AUTS2: variants seen among roughly 807,000 people sequenced by gnomAD.
AUTS2 encodes autism susceptibility gene 2 protein.
A neutral mutation model predicts 112.4 loss-of-function variants in AUTS2; 17 were observed. That is an observed-to-expected ratio of 0.15 (90% CI 0.10 to 0.23). AUTS2 has a LOEUF of 0.23. AUTS2 is among the 10% of genes least tolerant of loss of function. The pLI is 1.00. For synonymous variants in AUTS2, 751 were observed against 702.7 expected, an observed-to-expected ratio of 1.07 and a Z score of -1.09; for missense variants, 1,510 against 1,701.6, an observed-to-expected ratio of 0.89 and a Z score of 1.98.
chr7:70,785,730 A>G lies in AUTS2; in HGVS notation c.2225-225A>G, dbSNP rs190470224. On this transcript the variant is annotated intron_variant, in intron 16 of 18. Coordinates refer to ENST00000342771, the MANE Select transcript of AUTS2 (RefSeq NM_015570.4). ...CACTGGGCAAAGGAAGAGTAATACA[A>G]AATACACAGTTGTAGAAGAAGAGTC... Among the ~76,000 whole-genome samples the G allele has an allele frequency of 2.6e-4, 40 of 152,384 alleles. 1 individual carries two copies. The East Asian group carries it at 4.2e-3, about 16-fold the overall frequency.
At chr7:70,260,086 C>T (rs1787086295) in intron 4 of AUTS2, among the ~76,000 whole-genome samples, 1 of 152,034 alleles carries the variant, frequency 6.6e-6, no homozygotes, top group South Asian at 2.1e-4. Flanking sequence ...TAATTTATGG[C>T]CAGGCGCGGT....
chr7:69,986,246 A>G (rs1471523971), intron 2 of AUTS2, among the ~76,000 whole-genome samples: 2 of 152,212 alleles, frequency 1.3e-5, no homozygotes, highest in African/African-American at 4.8e-5. Context: ...TAACTGTTAC[A>G]TCCCCAGCAC....
At position 69,787,834 on chromosome 7, in the gene AUTS2, CA is replaced by C. The variant is rs1789445193; in HGVS notation, c.310-111449del. On this transcript the variant is annotated intron_variant, in intron 1 of 18. Coordinates refer to ENST00000342771, the MANE Select transcript of AUTS2 (RefSeq NM_015570.4). Reference sequence around the variant, plus strand: ...AGGTGATCCGCCCACCTTGGCCTCCCAAAGTGCTGGGCTTACAGGCGTTGAG... The same window carrying C: ...AGGTGATCCGCCCACCTTGGCCTCCCAAGTGCTGGGCTTACAGGCGTTGAG... Among the ~76,000 whole-genome samples, 4 of 149,368 alleles carry C rather than the reference CA, an allele frequency of 2.7e-5. No individual in the cohort carries two copies. In the Admixed American group the frequency reaches 2.7e-4, roughly 10 times the overall value.
chr7:69,876,484 GTATATATATATATATATATATATA>G (rs58131271), intron 1 of AUTS2, among the ~76,000 whole-genome samples: 6,022 of 54,040 alleles, frequency 0.11, 694 homozygotes, highest in Non-Finnish European at 0.15. Flanking sequence ...AATATTTTGT[GTATATATATATATATATATATATA>G]TATATATATA....
At position 70,773,878 on chromosome 7, in the gene AUTS2, G is replaced by A. The variant is rs970719804; in HGVS notation, c.1831-150G>A. 88 of 719,756 alleles carry A rather than the reference G, an allele frequency of 1.2e-4. No individual in the cohort carries two copies. The African/African-American group carries it at 1.3e-3, about 10-fold the overall frequency. The allele number at this position is 719,756 out of a possible 1,614,324, so 44.6% of individuals were successfully genotyped here. A position where few individuals can be genotyped will look rare whatever the true frequency, so the allele number is the denominator to read the frequency against. On this transcript the variant is annotated intron_variant, in intron 11 of 18. Transcript: ENST00000342771. ...GTCAGGCCCCCTTGAGAAAGAGCATGTGTGGTCCCTGAGAAAAATGAATCT... is the reference window on the plus strand; with the variant it reads ...GTCAGGCCCCCTTGAGAAAGAGCATATGTGGTCCCTGAGAAAAATGAATCT...
chr7:70,317,021 T>TGG (rs1263513162), intron 4 of AUTS2: 1 of 152,146 alleles, frequency 6.6e-6, no homozygotes, highest in Non-Finnish European at 1.5e-5. Context: ...GGAAGGGAGT[T>TGG]TGATGTGTGA....
intron 1 of AUTS2, among the ~76,000 whole-genome samples, chr7:69,603,321 C>T (rs1358010450): frequency 6.6e-6 from 1 of 152,156 alleles, no homozygotes; most frequent in Non-Finnish European, 1.5e-5. Flanking sequence ...TTTTGGACTT[C>T]TCTTTTAAAA....
At chr7:69,633,533 A>C (rs1345431126) in intron 1 of AUTS2, among the ~76,000 whole-genome samples, 1 of 152,184 alleles carries the variant, frequency 6.6e-6, no homozygotes, top group Non-Finnish European at 1.5e-5. Context: ...ACTATTTTTC[A>C]CAATGGCTGT....
chr7:69,994,643 A>G (rs1161725804), intron 2 of AUTS2, among the ~76,000 whole-genome samples: 1 of 152,144 alleles, frequency 6.6e-6, no homozygotes, highest in African/African-American at 2.4e-5. Flanking sequence ...TAATGACTAT[A>G]TTCTGATAAA....
At chr7:70,304,490 T>C (rs964192592) in intron 4 of AUTS2, among the ~76,000 whole-genome samples, 1 of 152,126 alleles carries the variant, frequency 6.6e-6, no homozygotes, top group African/African-American at 2.4e-5. Flanking sequence ...GGATCACCCA[T>C]GACCTTTTAT....
intron 5 of AUTS2, among the ~76,000 whole-genome samples, chr7:70,633,424 C>T (rs1178436926): frequency 6.6e-6 from 1 of 152,082 alleles, no homozygotes; most frequent in African/African-American, 2.4e-5. Context: ...CCAGCCTGGC[C>T]AACATGGTGA....
chr7:70,028,138 T>A (rs1800610103), intron 2 of AUTS2, among the ~76,000 whole-genome samples: 1 of 151,012 alleles, frequency 6.6e-6, no homozygotes, highest in Non-Finnish European at 1.5e-5. Context: ...TCTTCTTCCC[T>A]CTCCTTCCTG....
intron 2 of AUTS2, among the ~76,000 whole-genome samples, chr7:69,961,158 C>A (rs1797414338): frequency 6.6e-6 from 1 of 152,064 alleles, no homozygotes; most frequent in South Asian, 2.1e-4. Flanking sequence ...TTTGTAAAAT[C>A]TTTACATTTT....
At chr7:70,599,763 C>T (rs1327253505) in intron 5 of AUTS2, among the ~76,000 whole-genome samples, 1 of 152,176 alleles carries the variant, frequency 6.6e-6, no homozygotes, top group Non-Finnish European at 1.5e-5. Context: ...TCACTCACAA[C>T]ACGGGAAGCT....
At chr7:70,423,591 TACTG>T (rs1795310449) in intron 4 of AUTS2, among the ~76,000 whole-genome samples, 1 of 152,352 alleles carries the variant, frequency 6.6e-6, no homozygotes, top group South Asian at 2.1e-4. Flanking sequence ...GTGTGCAGGT[TACTG>T]ACTATTTGAA....
chr7:70,232,865 T>C (rs1562807036), intron 4 of AUTS2, among the ~76,000 whole-genome samples: 1 of 152,238 alleles, frequency 6.6e-6, no homozygotes, highest in Non-Finnish European at 1.5e-5. Context: ...CAGTTGATGC[T>C]CAATTCAATA....
intron 1 of AUTS2, among the ~76,000 whole-genome samples, chr7:69,811,653 C>T (rs1046233119): frequency 3.3e-5 from 5 of 152,136 alleles, no homozygotes; most frequent in Non-Finnish European, 7.3e-5. Flanking sequence ...ATAAGTGATA[C>T]CTTTCCCAGG....
chr7:70,124,453 T>G (rs1805852425), intron 3 of AUTS2, among the ~76,000 whole-genome samples: 1 of 152,212 alleles, frequency 6.6e-6, no homozygotes. Context: ...AGCATAGTAC[T>G]GCCTAGGTTG....
At chr7:69,748,354 A>C (rs983146204) in intron 1 of AUTS2, among the ~76,000 whole-genome samples, 6 of 152,218 alleles carry the variant, frequency 3.9e-5, no homozygotes, top group African/African-American at 1.4e-4. Flanking sequence ...AAAAATTAAA[A>C]GTATTGCATA....
Sources: gnomAD v4.1 joint callset for allele counts (sites outside exome capture counted in the v4.1 genomes callset) on GRCh38, gnomAD v4.1.1 for gene constraint, MANE v1.5 for transcripts, NCBI Gene and HGNC (gene_info 2026-07-23, HGNC 2026-07-21) for gene names.